Variants in PARPBP observed in about 807,000 individuals in gnomAD.
PARPBP encodes PCNA-interacting partner.
PARPBP carries 52 observed loss-of-function variants against 50.0 expected under a neutral mutation model. The ratio of observed to expected loss-of-function variants is 1.04; its 90% CI spans 0.83 to 1.31. PARPBP has a LOEUF of 1.31. Among genes scored for constraint, PARPBP ranks in the 50% most tolerant of loss-of-function variants. The pLI, the probability that PARPBP is intolerant of heterozygous loss-of-function variation, is 0.00. For synonymous variants in PARPBP, 244 were observed against 232.1 expected, an observed-to-expected ratio of 1.05 and a Z score of -0.47; for missense variants, 697 against 672.0, an observed-to-expected ratio of 1.04 and a Z score of -0.41.
At chr12:102,188,558 A>T (rs1259484160) in intron 9 of PARPBP, among the ~76,000 whole-genome samples, 1 of 152,166 alleles carries the variant, frequency 6.6e-6, no homozygotes, top group Non-Finnish European at 1.5e-5. Context: ...AGTGAAAAGG[A>T]GAACTCTTCT....
chr12:102,136,231 T>C (rs1883612124), intron 2 of PARPBP, among the ~76,000 whole-genome samples: 2 of 152,226 alleles, frequency 1.3e-5, no homozygotes, highest in African/African-American at 2.4e-5. Flanking sequence ...AGGTAAATGA[T>C]GGATTATGAG....
intron 2 of PARPBP, among the ~76,000 whole-genome samples, chr12:102,139,528 G>T (rs1594476076): frequency 1.3e-5 from 2 of 152,314 alleles, no homozygotes; most frequent in Admixed American, 6.5e-5. Flanking sequence ...TGTTGACTAG[G>T]AGTGGTGAGA....
chr12:102,127,018 G>T (rs555144417), intron 2 of PARPBP, among the ~76,000 whole-genome samples: 43 of 152,236 alleles, frequency 2.8e-4, no homozygotes, highest in African/African-American at 9.9e-4. Flanking sequence ...TGAAATGTTT[G>T]CACTGAGCAA....
At chr12:102,145,745 T>A (rs868758796) in intron 2 of PARPBP, among the ~76,000 whole-genome samples, 4 of 152,190 alleles carry the variant, frequency 2.6e-5, no homozygotes, top group Admixed American at 6.5e-5. Flanking sequence ...AAAGAATAAT[T>A]TTGCCTGATT....
chr12:102,162,379 C>T (rs1356605939), intron 4 of PARPBP, among the ~76,000 whole-genome samples: 2 of 152,040 alleles, frequency 1.3e-5, no homozygotes, highest in Admixed American at 6.6e-5. Flanking sequence ...GTTTAGAATT[C>T]GTGAGTCTGT....
intron 2 of PARPBP, among the ~76,000 whole-genome samples, chr12:102,144,210 A>C (rs1885052319): frequency 6.6e-6 from 1 of 152,184 alleles, no homozygotes; most frequent in Non-Finnish European, 1.5e-5. Flanking sequence ...TAAAAATGTA[A>C]AGTTTATTTA....
intron 6 of PARPBP, among the ~76,000 whole-genome samples, chr12:102,173,112 A>T (rs1888912739): frequency 6.6e-6 from 1 of 152,224 alleles, no homozygotes. Context: ...GGTCAAAAAT[A>T]GGTGAAGGAG....
At chr12:102,146,728 A>G in intron 2 of PARPBP, among the ~76,000 whole-genome samples, 1 of 152,176 alleles carries the variant, frequency 6.6e-6, no homozygotes. Context: ...GGATCTAATT[A>G]AACTAAAGAG....
intron 6 of PARPBP, among the ~76,000 whole-genome samples, chr12:102,172,224 A>G (rs1252106389): frequency 2.0e-5 from 3 of 152,096 alleles, no homozygotes; most frequent in African/African-American, 7.2e-5. Flanking sequence ...TCTCATCTAA[A>G]TTCTCCTATT....
chr12:102,164,854 A>G (rs1334923803), intron 5 of PARPBP, among the ~76,000 whole-genome samples: 1 of 152,180 alleles, frequency 6.6e-6, no homozygotes, highest in African/African-American at 2.4e-5. Context: ...TTCTCTGTGA[A>G]TAAATGTTTC....
At chr12:102,167,043 C>G (rs1203581493) in intron 6 of PARPBP, among the ~76,000 whole-genome samples, 1 of 151,738 alleles carries the variant, frequency 6.6e-6, no homozygotes, top group East Asian at 1.9e-4. Context: ...AGTTTTTTGC[C>G]CTTGAAGATA....
intron 4 of PARPBP, among the ~76,000 whole-genome samples, chr12:102,163,355 T>C (rs1887799635): frequency 6.6e-6 from 1 of 152,202 alleles, no homozygotes. Context: ...TGTTCCTCTG[T>C]AGGTAATGTG....
intron 3 of PARPBP, among the ~76,000 whole-genome samples, chr12:102,151,012 A>G (rs1886112536): frequency 6.6e-6 from 1 of 152,178 alleles, no homozygotes; most frequent in African/African-American, 2.4e-5. Context: ...AACTGTCATC[A>G]CTTAAGCTAC....
At chr12:102,160,163 A>T (rs779224089) in intron 4 of PARPBP, among the ~76,000 whole-genome samples, 3 of 152,220 alleles carry the variant, frequency 2.0e-5, no homozygotes, top group Non-Finnish European at 4.4e-5. Flanking sequence ...CATAACAGCC[A>T]TGTTATCTGA....
In PARPBP at chr12:102,124,006, G is replaced by T. The variant is rs528660652; in HGVS notation, c.118G>T (p.Ala40Ser). The T allele has an allele frequency of 2.0e-5, 31 of 1,535,324 alleles. 1 individual carries two copies. In the African/African-American group the frequency reaches 4.1e-4, roughly 20 times the overall value. The change falls in exon 2 of 11, where the codon GCA becomes TCA. Residue 40 changes from alanine to serine, a missense_variant. Ala to Ser is a moderately conservative substitution (Grantham distance 99, BLOSUM62 1). Transcript: ENST00000327680. Reference sequence around the variant, plus strand: ...ATGTGGTGCAGACTCCATGCTCTTGGCATTGCAGCTTTCTATGGCGGAGAA... The same window carrying T: ...ATGTGGTGCAGACTCCATGCTCTTGTCATTGCAGCTTTCTATGGCGGAGAA... ...TLCGADSMLL[A>S]LQLSMAENNK...
chr12:102,182,398 T>C, intron 8 of PARPBP, 151 bp from the exon 9 acceptor site: 4 of 604,450 alleles, frequency 6.6e-6, no homozygotes, highest in South Asian at 6.5e-5. Flanking sequence ...ATGGTATTTT[T>C]AATTTATGAT....
chr12:102,144,880 AT>A (rs1308229577), intron 2 of PARPBP, among the ~76,000 whole-genome samples: 5 of 152,316 alleles, frequency 3.3e-5, no homozygotes, highest in Admixed American at 3.3e-4. Flanking sequence ...TATGTCCTAC[AT>A]TTGGAGAATA....
intron 3 of PARPBP, among the ~76,000 whole-genome samples, chr12:102,149,371 A>G (rs75798284): frequency 9.5e-4 from 145 of 152,320 alleles, no homozygotes; most frequent in African/African-American, 3.2e-3. Context: ...CTCCATGGTT[A>G]TCAGAGACCT....
At position 102,153,892 on chromosome 12, in the gene PARPBP, T is replaced by C. The variant is rs773191937; in HGVS notation, c.411T>C (p.Ser137=). The C allele has an allele frequency of 2.1e-5, 34 of 1,606,864 alleles. No individual in the cohort carries two copies. In the South Asian group the frequency reaches 3.5e-4, roughly 17 times the overall value. ...AGAGTCAACTACTGGATTTTCTGTCTGGCAAACAGTATGCAGTAGGTGATG... is the reference window on the plus strand; with the variant it reads ...AGAGTCAACTACTGGATTTTCTGTCCGGCAAACAGTATGCAGTAGGTGATG... ...VSPSQLLDFL[S]GKQYAVGDET... Residue 137 remains serine, a synonymous_variant, in exon 4 of 11, where the codon TCT becomes TCC. Coordinates refer to ENST00000327680, the MANE Select transcript of PARPBP (RefSeq NM_017915.5).
Sources: allele counts gnomAD v4.1 joint callset (sites outside exome capture counted in the v4.1 genomes callset), GRCh38; gene constraint gnomAD v4.1.1; transcripts MANE v1.5; gene names NCBI Gene and HGNC (gene_info 2026-07-23, HGNC 2026-07-21).